PPP2R5C: variants seen among roughly 807,000 people sequenced by gnomAD.
PPP2R5C encodes serine/threonine-protein phosphatase 2A 56 kDa regulatory subunit gamma isoform.
Under a neutral mutation model 68.9 loss-of-function variants are expected in PPP2R5C, and 7 were observed. The observed-to-expected ratio is 0.10, with a 90% CI of 0.06 to 0.19. PPP2R5C has a LOEUF of 0.19. PPP2R5C is among the 10% of genes least tolerant of loss of function. The probability of loss-of-function intolerance (pLI) is 1.00; values close to 1 mark genes in which losing one functional copy is unlikely to be tolerated. For missense variants in PPP2R5C, 348 were observed against 641.3 expected, an observed-to-expected ratio of 0.54 and a Z score of 4.94; for synonymous variants, 210 against 222.2, an observed-to-expected ratio of 0.95 and a Z score of 0.49.
chr14:101,911,265 C>A (rs2749904), intron 11 of PPP2R5C, among the ~76,000 whole-genome samples: 2,215 of 152,058 alleles, frequency 0.015, 68 homozygotes, highest in African/African-American at 0.051. Flanking sequence ...CAGAGCGAGA[C>A]TCCGTCTCAA....
chr14:101,870,252 T>G (rs2043318434), intron 2 of PPP2R5C, among the ~76,000 whole-genome samples: 1 of 152,082 alleles, frequency 6.6e-6, no homozygotes, highest in African/African-American at 2.4e-5. Flanking sequence ...CAGTAGTGCT[T>G]TTGGTAGCAT....
chr14:101,846,542 G>A (rs2041841199), intron 1 of PPP2R5C, among the ~76,000 whole-genome samples: 1 of 152,212 alleles, frequency 6.6e-6, no homozygotes, highest in African/African-American at 2.4e-5. Context: ...AGTTATGTAG[G>A]TGCTAAGGGT....
At chr14:101,852,604 G>C (rs1197091611) in intron 1 of PPP2R5C, among the ~76,000 whole-genome samples, 2 of 151,444 alleles carry the variant, frequency 1.3e-5, no homozygotes, top group African/African-American at 2.4e-5. Context: ...AAGTAGCTGG[G>C]ATTACAGGCA....
At chr14:101,761,446 C>T (rs1460992343), upstream of PPP2R5C, among the ~76,000 whole-genome samples, 1 of 150,654 alleles carries the variant, frequency 6.6e-6, no homozygotes, top group African/African-American at 2.4e-5. Flanking sequence ...GAGGCCGGCT[C>T]GCAGCGACTC....
chr14:101,824,333 A>G (rs2040267871), intron 1 of PPP2R5C: 5 of 444,228 alleles, frequency 1.1e-5, no homozygotes, highest in Non-Finnish European at 1.1e-5. Flanking sequence ...TAGTGTAGAC[A>G]TTTGTCTACG....
At chr14:101,862,403 A>G (rs2140649224) in intron 2 of PPP2R5C, among the ~76,000 whole-genome samples, 1 of 152,286 alleles carries the variant, frequency 6.6e-6, no homozygotes, top group South Asian at 2.1e-4. Context: ...TGACCGGTAA[A>G]GGTTACAGAG....
chr14:101,864,124 C>G (rs2042919228), intron 2 of PPP2R5C, among the ~76,000 whole-genome samples: 2 of 152,150 alleles, frequency 1.3e-5, no homozygotes, highest in Non-Finnish European at 2.9e-5. Context: ...CTGAATTCAG[C>G]ACACTGCCTT....
intron 13 of PPP2R5C, among the ~76,000 whole-genome samples, chr14:101,924,693 G>C (rs898334483): frequency 1.3e-5 from 2 of 151,654 alleles, no homozygotes; most frequent in Admixed American, 6.6e-5. Flanking sequence ...CGTCCGCCTC[G>C]GCCTCCCAAA....
At chr14:101,809,807 T>G, upstream of PPP2R5C, 1 of 1,360,944 alleles carries the variant, frequency 7.3e-7, no homozygotes, top group South Asian at 1.8e-5. Flanking sequence ...TCAGCGAGCT[T>G]CATGCCTGCT....
intron 1 of PPP2R5C, among the ~76,000 whole-genome samples, chr14:101,855,176 A>G (rs569860358): frequency 1.3e-5 from 2 of 152,348 alleles, no homozygotes; most frequent in East Asian, 3.9e-4. Context: ...TCTCTAAAAG[A>G]AAGAAAGAAA....
At chr14:101,771,755 A>G (rs749068826) in intron 2 of PPP2R5C, among the ~76,000 whole-genome samples, 14 of 152,098 alleles carry the variant, frequency 9.2e-5, no homozygotes, top group Non-Finnish European at 2.1e-4. Context: ...ATGGCCCCCA[A>G]GAGATTAATT....
chr14:101,813,377 C>T (rs2039479709), intron 1 of PPP2R5C, among the ~76,000 whole-genome samples: 1 of 152,216 alleles, frequency 6.6e-6, no homozygotes. Flanking sequence ...TATTGACAAA[C>T]AGGTGACAGG....
intron 2 of PPP2R5C, among the ~76,000 whole-genome samples, chr14:101,784,307 G>T (rs1268584644): frequency 6.6e-6 from 1 of 152,224 alleles, no homozygotes; most frequent in African/African-American, 2.4e-5. Flanking sequence ...AGGTAGGTTT[G>T]TGTCTCCAGG....
At chr14:101,765,098 T>G in intron 2 of PPP2R5C, 1 of 694,924 alleles carries the variant, frequency 1.4e-6, no homozygotes, top group Non-Finnish European at 2.6e-6. Flanking sequence ...AGACCTGCGG[T>G]GTGGCCTGCA....
intron 5 of PPP2R5C, among the ~76,000 whole-genome samples, chr14:101,886,290 A>G (rs1017629093): frequency 1.4e-4 from 22 of 152,198 alleles, no homozygotes; most frequent in African/African-American, 5.3e-4. Context: ...CAAAAAAAAA[A>G]AAAAAAAGTA....
At chr14:101,771,383 T>C (rs1283008656) in intron 2 of PPP2R5C, among the ~76,000 whole-genome samples, 1 of 151,694 alleles carries the variant, frequency 6.6e-6, no homozygotes, top group Non-Finnish European at 1.5e-5. Context: ...GCCTCCCAAG[T>C]AGCTGGGATT....
At chr14:101,850,567 A>G (rs1213485214) in intron 1 of PPP2R5C, among the ~76,000 whole-genome samples, 2 of 152,174 alleles carry the variant, frequency 1.3e-5, no homozygotes, top group African/African-American at 4.8e-5. Flanking sequence ...CCAGATCTGT[A>G]TGGGAAATAT....
exon 5 of PPP2R5C, chr14:101,883,531 A>C (rs373600166): frequency 6.2e-7 from 1 of 1,613,640 alleles, no homozygotes; most frequent in South Asian, 1.1e-5. Context: ...GAGAGCTTAC[A>C]TCAGAAAACA....
intron 5 of PPP2R5C, among the ~76,000 whole-genome samples, chr14:101,883,865 G>A (rs1022997149): frequency 6.6e-6 from 1 of 152,210 alleles, no homozygotes. Context: ...TCCTGGAAAT[G>A]TGGATGAATT....
Sources: gnomAD v4.1 joint callset for allele counts (sites outside exome capture counted in the v4.1 genomes callset) on GRCh38, gnomAD v4.1.1 for gene constraint, MANE v1.5 for transcripts, NCBI Gene and HGNC (gene_info 2026-07-23, HGNC 2026-07-21) for gene names.